Variants in NAV3 observed in about 807,000 individuals in gnomAD.
NAV3 encodes pore membrane and/or filament interacting like protein 1.
A neutral mutation model predicts 244.7 loss-of-function variants in NAV3; 87 were observed. The ratio of observed to expected loss-of-function variants is 0.36; its 90% CI spans 0.30 to 0.42. The LOEUF (loss-of-function observed/expected upper bound fraction) is 0.42. Among genes scored for constraint, NAV3 ranks in the 20% least tolerant of loss-of-function variants. NAV3 has a pLI of 1.00. For synonymous variants in NAV3, 1,126 were observed against 1,042.2 expected (o/e 1.08, Z -1.55); for missense variants, 2,663 against 2,893.3 (o/e 0.92, Z 1.83).
intron 2 of NAV3, among the ~76,000 whole-genome samples, chr12:77,713,726 T>C (rs1456966269): frequency 6.6e-6 from 1 of 152,134 alleles, no homozygotes; most frequent in Non-Finnish European, 1.5e-5. Flanking sequence ...AGATCAGTTA[T>C]AAAAATGTAC....
At chr12:77,846,072 G>A (rs78132176) in intron 1 of NAV3, among the ~76,000 whole-genome samples, 1,752 of 152,248 alleles carry the variant, frequency 0.012, 28 homozygotes, top group African/African-American at 0.04. Flanking sequence ...CCGGATGAAC[G>A]AAGATTGGAG....
intron 13 of NAV3, among the ~76,000 whole-genome samples, chr12:78,117,655 A>G (rs981624283): frequency 1.3e-5 from 2 of 151,668 alleles, no homozygotes; most frequent in African/African-American, 4.8e-5. Context: ...CTAATTTTAG[A>G]TAGTTCTTGA....
At chr12:77,805,456 T>TGATGGA (rs545484644) in intron 2 of NAV3, among the ~76,000 whole-genome samples, 22 of 152,250 alleles carry the variant, frequency 1.4e-4, no homozygotes, top group Non-Finnish European at 2.8e-4. Context: ...TCTGTTTATC[T>TGATGGA]GATGGATTAC....
rs562915494 is a variant in NAV3, at chr12:77,736,054, T to G, written c.72+163788T>G. On this transcript the variant is annotated intron_variant, in intron 2 of 8. Transcript: ENST00000550042. ...CTTTCAGTGTATCTTTACTACACTT[T>G]GTAAAAACTTGTAAAAATATCTGTA... Among the ~76,000 whole-genome samples, 8 of 152,344 alleles carry G rather than the reference T, an allele frequency of 5.3e-5. 1 individual carries two copies. In the South Asian group the frequency reaches 1.7e-3, roughly 32 times the overall value.
chr12:77,690,880 C>T (rs1308851804), intron 2 of NAV3, among the ~76,000 whole-genome samples: 3 of 111,656 alleles, frequency 2.7e-5, no homozygotes, highest in Non-Finnish European at 5.8e-5. Flanking sequence ...TAACAATTTT[C>T]TAAGTTTCTG....
At chr12:77,842,743 T>C (rs1875903062) in intron 1 of NAV3, among the ~76,000 whole-genome samples, 2 of 152,006 alleles carry the variant, frequency 1.3e-5, no homozygotes, top group Non-Finnish European at 2.9e-5. Context: ...CATATTACAA[T>C]CCTTTCAGAC....
At position 77,607,301 on chromosome 12, in the gene NAV3, C is replaced by T. The variant is rs187675324; in HGVS notation, c.72+35035C>T. 5.3e-3 allele frequency among the ~76,000 whole-genome samples: 803 copies of T among 152,144 alleles called. 5 individuals carry two copies. Among genetic ancestry groups the T allele is most frequent in the Non-Finnish European group, 7.7e-3 (523 of 67,962 alleles). On this transcript the variant is annotated intron_variant, in intron 2 of 8. Transcript: ENST00000550042. ...TAATTTAGGAAGAATCTTCTACTACCCTAGACCCTACCGGGCTATCCCCTT... is the reference window on the plus strand; with the variant it reads ...TAATTTAGGAAGAATCTTCTACTACTCTAGACCCTACCGGGCTATCCCCTT...
At chr12:77,769,024 G>GAT (rs1869935429) in intron 2 of NAV3, among the ~76,000 whole-genome samples, 1 of 152,124 alleles carries the variant, frequency 6.6e-6, no homozygotes, top group Non-Finnish European at 1.5e-5. Context: ...TACATGAATT[G>GAT]ATATATATTT....
At chr12:77,625,926 G>A (rs1158905221) in intron 2 of NAV3, among the ~76,000 whole-genome samples, 2 of 152,182 alleles carry the variant, frequency 1.3e-5, no homozygotes, top group African/African-American at 4.8e-5. Flanking sequence ...GGAACACAAT[G>A]ATTTTCCAAT....
At chr12:77,977,689 TAC>T (rs35073855) in intron 5 of NAV3, among the ~76,000 whole-genome samples, 15,315 of 141,890 alleles carry the variant, frequency 0.11, 913 homozygotes, top group East Asian at 0.22. Context: ...GATATATATA[TAC>T]ACACACACAC....
chr12:78,079,821 G>C (rs1327674297), intron 12 of NAV3, among the ~76,000 whole-genome samples: 3 of 152,144 alleles, frequency 2.0e-5, no homozygotes, highest in African/African-American at 4.8e-5. Context: ...TTCTATGCAT[G>C]ATAAATAATG....
intron 2 of NAV3, among the ~76,000 whole-genome samples, chr12:77,651,416 G>A (rs1725872): frequency 0.24 from 36,784 of 151,746 alleles, 6,856 homozygotes; most frequent in African/African-American, 0.52. Flanking sequence ...ATATTTTCCC[G>A]TGCCTTTTTT....
intron 1 of NAV3, among the ~76,000 whole-genome samples, chr12:77,855,665 C>G (rs2136287210): frequency 6.6e-6 from 1 of 152,298 alleles, no homozygotes; most frequent in Non-Finnish European, 1.5e-5. Flanking sequence ...TAAAGAGGCC[C>G]AGAGCTTTCC....
intron 20 of NAV3, among the ~76,000 whole-genome samples, chr12:78,141,353 G>A (rs543113260): frequency 4.6e-5 from 7 of 152,218 alleles, no homozygotes; most frequent in Admixed American, 2.6e-4. Flanking sequence ...TTATGAGTGA[G>A]TCTTTTTAGA....
In NAV3 at chr12:78,183,233, G is replaced by A. The variant is rs1052624708; in HGVS notation, c.5692+2188G>A. 3.4e-4 allele frequency among the ~76,000 whole-genome samples: 51 copies of A among 151,894 alleles called. 1 individual carries two copies. The highest frequency in any genetic ancestry group is 1.2e-3 in the African/African-American group (50 of 41,404). On this transcript the variant is annotated intron_variant, in intron 30 of 39. Transcript: ENST00000397909. The stretch of plus-strand genomic sequence containing the variant: ...CATTAATCTTGCTGTTTTTCCTGGA[G>A]TTGTTTCATCAGGTGACCATCCTGT...
intron 39 of NAV3, among the ~76,000 whole-genome samples, chr12:78,209,419 A>G (rs1960668816): frequency 6.6e-6 from 1 of 152,158 alleles, no homozygotes; most frequent in Admixed American, 6.6e-5. Flanking sequence ...AAAAATTGTT[A>G]CAATTTATAA....
At chr12:77,909,071 G>A (rs896778667) in intron 1 of NAV3, among the ~76,000 whole-genome samples, 1 of 151,934 alleles carries the variant, frequency 6.6e-6, no homozygotes, top group Non-Finnish European at 1.5e-5. Flanking sequence ...TGATAGTTTT[G>A]TGGAAGGATT....
At chr12:77,859,060 C>G (rs1223926667) in intron 1 of NAV3, among the ~76,000 whole-genome samples, 1 of 152,046 alleles carries the variant, frequency 6.6e-6, no homozygotes, top group African/African-American at 2.4e-5. Flanking sequence ...GATCCTCACT[C>G]TTATTTTTAA....
chr12:78,123,847 C>T (rs774408038), intron 16 of NAV3, among the ~76,000 whole-genome samples: 2 of 152,100 alleles, frequency 1.3e-5, no homozygotes, highest in Non-Finnish European at 2.9e-5. Context: ...ATTTTTCCAC[C>T]TAAAATGTCG....
Sources: gnomAD v4.1 joint callset for allele counts (sites outside exome capture counted in the v4.1 genomes callset) on GRCh38, gnomAD v4.1.1 for gene constraint, MANE v1.5 for transcripts, NCBI Gene and HGNC (gene_info 2026-07-23, HGNC 2026-07-21) for gene names.